Variants in PTPRG observed in about 807,000 individuals in gnomAD.
PTPRG encodes receptor-type tyrosine-protein phosphatase gamma.
Under a neutral mutation model 165.3 loss-of-function variants are expected in PTPRG, and 102 were observed. The ratio of observed to expected loss-of-function variants is 0.62; its 90% confidence interval spans 0.53 to 0.73. PTPRG has a LOEUF of 0.73. Among genes scored for constraint, PTPRG ranks in the 30% least tolerant of loss-of-function variants. The pLI is 0.00. For synonymous variants in PTPRG, 675 were observed against 669.5 expected, an observed-to-expected ratio of 1.01 and a Z score of -0.13; for missense variants, 1,866 against 1,861.4, an observed-to-expected ratio of 1.00 and a Z score of -0.05.
At position 61,888,002 on chromosome 3, in the gene PTPRG, C is replaced by T. The variant is rs557410646; in HGVS notation, c.191-101623C>T. On this transcript the variant is annotated intron_variant, in intron 2 of 29. Transcript: ENST00000474889. ...AGTAAAAAAACCAAAAAACAACAAA[C>T]ATAGAGCCAAAGTCAAAGACACAGA... Among the ~76,000 whole-genome samples the T allele has an allele frequency of 1.3e-4, 20 of 152,244 alleles. No individual in the cohort carries two copies. The South Asian group carries it at 2.9e-3, about 22-fold the overall frequency.
intron 2 of PTPRG, among the ~76,000 whole-genome samples, chr3:61,906,878 A>C (rs1308008469): frequency 6.6e-6 from 1 of 152,158 alleles, no homozygotes; most frequent in Non-Finnish European, 1.5e-5. Context: ...TAGATTTTTA[A>C]AACGCTGTCT....
chr3:61,962,717 T>C (rs1042986300), intron 2 of PTPRG, among the ~76,000 whole-genome samples: 12 of 148,222 alleles, frequency 8.1e-5, no homozygotes, highest in Middle Eastern at 3.4e-3. Context: ...ATCATACTTA[T>C]AGTAAGCATT....
chr3:62,279,462 A>G (rs1576216345), intron 26 of PTPRG, among the ~76,000 whole-genome samples: 1 of 152,122 alleles, frequency 6.6e-6, no homozygotes, highest in East Asian at 1.9e-4. Flanking sequence ...TAAAGTAAGT[A>G]GTTTTTATTC....
intron 4 of PTPRG, among the ~76,000 whole-genome samples, chr3:62,068,230 C>G (rs1248427987): frequency 6.6e-6 from 1 of 152,064 alleles, no homozygotes; most frequent in Admixed American, 6.6e-5. Context: ...ATTTAAACAA[C>G]CCTCCTGAGT....
chr3:62,022,645 G>A (rs1238310377), intron 4 of PTPRG, among the ~76,000 whole-genome samples: 1 of 152,150 alleles, frequency 6.6e-6, no homozygotes, highest in Non-Finnish European at 1.5e-5. Flanking sequence ...TTTGGTGATA[G>A]GTAGAAAGAT....
chr3:61,980,249 C>A (rs770991530), intron 2 of PTPRG, among the ~76,000 whole-genome samples: 7 of 152,320 alleles, frequency 4.6e-5, no homozygotes, highest in Non-Finnish European at 1.0e-4. Flanking sequence ...GTGCTCACCT[C>A]AGCAAGTCTT....
intron 1 of PTPRG, among the ~76,000 whole-genome samples, chr3:61,738,519 T>C (rs1354476454): frequency 6.6e-6 from 1 of 151,072 alleles, no homozygotes; most frequent in East Asian, 1.9e-4. Flanking sequence ...ATTCGACTTA[T>C]ACAACTGACA....
At chr3:61,968,031 G>A (rs1167595714) in intron 2 of PTPRG, among the ~76,000 whole-genome samples, 1 of 152,102 alleles carries the variant, frequency 6.6e-6, no homozygotes, top group Non-Finnish European at 1.5e-5. Flanking sequence ...TATCAAGCAC[G>A]TCTTATTGGA....
chr3:62,148,319 A>G (rs571500305), intron 6 of PTPRG, among the ~76,000 whole-genome samples: 3 of 152,226 alleles, frequency 2.0e-5, no homozygotes, highest in East Asian at 1.9e-4. Flanking sequence ...TCAGCAAGGG[A>G]GAGAGAGGAA....
intron 11 of PTPRG, among the ~76,000 whole-genome samples, chr3:62,201,911 A>G (rs191426249): frequency 3.9e-5 from 6 of 152,276 alleles, no homozygotes; most frequent in Admixed American, 3.9e-4. Flanking sequence ...AGTTATATGG[A>G]TCTGAAAATT....
At chr3:61,846,263 T>C (rs1171604764) in intron 2 of PTPRG, among the ~76,000 whole-genome samples, 1 of 152,224 alleles carries the variant, frequency 6.6e-6, no homozygotes, top group Non-Finnish European at 1.5e-5. Flanking sequence ...CAATAGCAAG[T>C]AATTAATTCG....
Position 61,907,519 on chromosome 3 carries a change from G to A in PTPRG, c.191-82106G>A, listed in dbSNP as rs528399534. Among the ~76,000 whole-genome samples, 85 of 152,256 alleles carry A rather than the reference G, an allele frequency of 5.6e-4. 1 individual carries two copies. The South Asian group carries it at 0.017, about 30-fold the overall frequency. On this transcript the variant is annotated intron_variant, in intron 2 of 29. Transcript: ENST00000474889. Reference sequence around the variant, plus strand: ...TGAATAAAAGTGTGTTTTTATGGAAGGTCCTTTTATGAGCAAAACCCTGTG... The same window carrying A: ...TGAATAAAAGTGTGTTTTTATGGAAAGTCCTTTTATGAGCAAAACCCTGTG...
intron 2 of PTPRG, among the ~76,000 whole-genome samples, chr3:61,911,723 T>C (rs1035951698): frequency 6.6e-6 from 1 of 152,316 alleles, no homozygotes; most frequent in Admixed American, 6.5e-5. Flanking sequence ...TAAATTAATT[T>C]CTTTTTTCCC....
intron 6 of PTPRG, among the ~76,000 whole-genome samples, chr3:62,148,420 T>C (rs1257143968): frequency 6.6e-6 from 1 of 152,128 alleles, no homozygotes; most frequent in East Asian, 1.9e-4. Context: ...AAGAAGCCAC[T>C]GGAAGATTTT....
At chr3:62,005,463 C>A (rs896369033) in intron 4 of PTPRG, among the ~76,000 whole-genome samples, 1 of 152,072 alleles carries the variant, frequency 6.6e-6, no homozygotes, top group Admixed American at 6.6e-5. Flanking sequence ...TCTGAAGCCT[C>A]TTTGTCTTAG....
At chr3:61,825,654 T>TA (rs1268188967) in intron 2 of PTPRG, among the ~76,000 whole-genome samples, 1 of 151,902 alleles carries the variant, frequency 6.6e-6, no homozygotes, top group Middle Eastern at 3.2e-3. Flanking sequence ...TTCTTAGGTT[T>TA]TTTTTTTTGA....
chr3:61,951,885 C>T (rs146886151), intron 2 of PTPRG, among the ~76,000 whole-genome samples: 17,723 of 151,942 alleles, frequency 0.12, 1,133 homozygotes, highest in South Asian at 0.18. Context: ...TTTGGGAGGC[C>T]GAGGCGGGCA....
chr3:62,077,997 CA>C (rs56828286), intron 4 of PTPRG, among the ~76,000 whole-genome samples, 165 bp from the exon 5 acceptor site: 8,207 of 94,294 alleles, frequency 0.087, 640 homozygotes, highest in African/African-American at 0.26. Context: ...GACCTTATCT[CA>C]AAAAAAAAAA....
At chr3:61,849,414 T>C (rs1182234264) in intron 2 of PTPRG, among the ~76,000 whole-genome samples, 1 of 152,158 alleles carries the variant, frequency 6.6e-6, no homozygotes, top group Admixed American at 6.5e-5. Flanking sequence ...TGAAAAGATA[T>C]GTGTAGGTGA....
Sources: gnomAD v4.1 joint callset for allele counts (sites outside exome capture counted in the v4.1 genomes callset) on GRCh38, gnomAD v4.1.1 for gene constraint, MANE v1.5 for transcripts, NCBI Gene and HGNC (gene_info 2026-07-23, HGNC 2026-07-21) for gene names.